SPECC1: variants seen among roughly 807,000 people sequenced by gnomAD.
The protein encoded by SPECC1 is sperm antigen with calponin homology and coiled-coil domains 1, also known as cytospin-B.
Under a neutral mutation model 104.1 loss-of-function variants are expected in SPECC1, and 62 were observed. That is an observed-to-expected ratio of 0.60 (90% CI 0.49 to 0.74). SPECC1 has a LOEUF of 0.74. Among genes scored for constraint, SPECC1 ranks in the 30% least tolerant of loss-of-function variants. SPECC1 has a pLI of 0.00. For synonymous variants in SPECC1, 513 were observed against 501.6 expected (o/e 1.02, Z -0.30); for missense variants, 1,306 against 1,310.5 (o/e 1.00, Z 0.05).
At chr17:20,045,842 G>T (rs1206126937) in intron 1 of SPECC1, among the ~76,000 whole-genome samples, 1 of 152,072 alleles carries the variant, frequency 6.6e-6, no homozygotes, top group Non-Finnish European at 1.5e-5. Context: ...GGCTGGGGGA[G>T]GTCACAGGTG....
In SPECC1 at chr17:20,089,206, T is replaced by C. The variant is rs575242868; in HGVS notation, c.-21-7425T>C. On this transcript the variant is annotated intron_variant, in intron 1 of 14. Transcript: ENST00000395527. ...AAACTCCTCGACATTCCCTTGTTGC[T>C]GAACTATAAAATGGGGATGACAGCA... Among the ~76,000 whole-genome samples the C allele has an allele frequency of 2.0e-5, 3 of 152,296 alleles. No individual in the cohort carries two copies. The South Asian group carries it at 6.2e-4, about 32-fold the overall frequency.
At chr17:20,222,377 G>A (rs557381306) in intron 4 of SPECC1, among the ~76,000 whole-genome samples, 12 of 152,298 alleles carry the variant, frequency 7.9e-5, no homozygotes, top group Admixed American at 5.9e-4. Context: ...CTAACATGTG[G>A]TCTCTCCTTG....
intron 4 of SPECC1, among the ~76,000 whole-genome samples, chr17:20,219,006 C>G (rs1359494100): frequency 1.3e-5 from 2 of 152,224 alleles, no homozygotes; most frequent in South Asian, 4.1e-4. Context: ...TGGCTGAATA[C>G]TCTGTTGTGT....
intron 1 of SPECC1, among the ~76,000 whole-genome samples, chr17:20,033,581 A>G (rs1383021950): frequency 1.3e-5 from 2 of 152,146 alleles, no homozygotes; most frequent in Non-Finnish European, 2.9e-5. Context: ...AGGGAAGGGG[A>G]ACCAGTGAGA....
intron 3 of SPECC1, among the ~76,000 whole-genome samples, chr17:20,139,093 A>G (rs1197755191): frequency 2.6e-5 from 4 of 152,214 alleles, no homozygotes; most frequent in Admixed American, 6.5e-5. Flanking sequence ...GGAGCTATGG[A>G]GTGACAGGAT....
At chr17:20,080,336 G>A (rs953211326) in intron 1 of SPECC1, among the ~76,000 whole-genome samples, 8 of 152,154 alleles carry the variant, frequency 5.3e-5, no homozygotes, top group African/African-American at 1.9e-4. Context: ...CTGTAGGAAA[G>A]AGATGACAGA....
intron 5 of SPECC1, among the ~76,000 whole-genome samples, chr17:20,231,375 A>C (rs1348794509): frequency 1.3e-5 from 2 of 152,242 alleles, no homozygotes; most frequent in Non-Finnish European, 2.9e-5. Flanking sequence ...GAAAGCCTCT[A>C]TCTCACAGCA....
At chr17:20,143,464 A>C (rs2031087352) in intron 3 of SPECC1, among the ~76,000 whole-genome samples, 1 of 151,796 alleles carries the variant, frequency 6.6e-6, no homozygotes. Flanking sequence ...CGGGCAGATC[A>C]CTTGAGGTCA....
At chr17:20,238,269 A>C in intron 7 of SPECC1, 1 of 1,041,076 alleles carries the variant, frequency 9.6e-7, no homozygotes, top group East Asian at 5.8e-5. Context: ...CCAAAGTTTC[A>C]TGGATGAAAC....
At chr17:20,298,397 T>C (rs1471951468) in intron 13 of SPECC1, among the ~76,000 whole-genome samples, 1 of 151,782 alleles carries the variant, frequency 6.6e-6, no homozygotes, top group Non-Finnish European at 1.5e-5. Context: ...GCCAGGGCTA[T>C]GGAGCAGCAG....
At chr17:20,138,630 CT>C (rs2030336657) in intron 3 of SPECC1, among the ~76,000 whole-genome samples, 1 of 152,138 alleles carries the variant, frequency 6.6e-6, no homozygotes, top group East Asian at 1.9e-4. Flanking sequence ...AGTATGTCAC[CT>C]TTTATATTGG....
chr17:20,070,508 T>C (rs532057704), intron 1 of SPECC1, among the ~76,000 whole-genome samples: 51 of 152,298 alleles, frequency 3.3e-4, no homozygotes, highest in Non-Finnish European at 3.4e-4. Context: ...GGTTTGCTAG[T>C]ATTTTGTTGA....
chr17:20,087,726 C>T (rs1279500196), intron 1 of SPECC1, among the ~76,000 whole-genome samples: 2 of 152,162 alleles, frequency 1.3e-5, no homozygotes, highest in Admixed American at 6.5e-5. Flanking sequence ...AAAGGCCCTG[C>T]TATCACGGAC....
At chr17:20,051,068 T>TTTCTTTC (rs2045726979) in intron 1 of SPECC1, among the ~76,000 whole-genome samples, 2 of 90,770 alleles carry the variant, frequency 2.2e-5, no homozygotes, top group East Asian at 6.6e-4. Context: ...CTTTCTTTCT[T>TTTCTTTC]TTTCTTTCTT....
intron 12 of SPECC1, among the ~76,000 whole-genome samples, chr17:20,294,349 G>T (rs1321485478): frequency 6.6e-6 from 1 of 152,186 alleles, no homozygotes; most frequent in Non-Finnish European, 1.5e-5. Flanking sequence ...CCATCCCGAT[G>T]GAGGAGCTTC....
intron 3 of SPECC1, among the ~76,000 whole-genome samples, chr17:20,189,599 C>G (rs1217929372): frequency 6.6e-6 from 1 of 152,152 alleles, no homozygotes; most frequent in Non-Finnish European, 1.5e-5. Context: ...CCTATCTCCC[C>G]TGCATCCTGA....
At chr17:20,068,637 C>T (rs1306212809) in intron 1 of SPECC1, among the ~76,000 whole-genome samples, 1 of 152,224 alleles carries the variant, frequency 6.6e-6, no homozygotes, top group Non-Finnish European at 1.5e-5. Flanking sequence ...ACCACATCCT[C>T]ACCAGCACTT....
chr17:20,037,600 A>G (rs1278776534), intron 1 of SPECC1, among the ~76,000 whole-genome samples: 4 of 152,048 alleles, frequency 2.6e-5, no homozygotes, highest in Non-Finnish European at 5.9e-5. Context: ...ACTTCATAAA[A>G]TGAACTGGGA....
At chr17:20,236,181 A>G (rs1357481387) in intron 7 of SPECC1, among the ~76,000 whole-genome samples, 2 of 152,072 alleles carry the variant, frequency 1.3e-5, no homozygotes, top group African/African-American at 4.8e-5. Context: ...GAGGATTCTT[A>G]AGCAGTTTCT....
Sources: gnomAD v4.1 joint callset for allele counts (sites outside exome capture counted in the v4.1 genomes callset) on GRCh38, gnomAD v4.1.1 for gene constraint, MANE v1.5 for transcripts, NCBI Gene and HGNC (gene_info 2026-07-23, HGNC 2026-07-21) for gene names.